Variants in RAB5C observed in about 807,000 individuals in gnomAD.
RAB5C encodes ras-related protein Rab-5C.
A neutral mutation model predicts 25.2 loss-of-function variants in RAB5C; 4 were observed. The ratio of observed to expected loss-of-function variants is 0.16; its 90% CI spans 0.08 to 0.36. The LOEUF is 0.36. Among genes scored for constraint, RAB5C ranks in the 10% least tolerant of loss-of-function variants. The pLI is 1.00. For missense variants in RAB5C, 199 were observed against 283.8 expected (o/e 0.70, Z 2.15); for synonymous variants, 100 against 106.4 (o/e 0.94, Z 0.37).
intron 1 of RAB5C, among the ~76,000 whole-genome samples, chr17:42,138,947 C>G (rs1568021954): frequency 1.3e-5 from 2 of 152,160 alleles, no homozygotes; most frequent in South Asian, 2.1e-4. Context: ...GAAGACACCC[C>G]TGAGGGACAG....
intron 1 of RAB5C, among the ~76,000 whole-genome samples, chr17:42,150,164 C>A (rs913336586): frequency 6.6e-6 from 1 of 151,878 alleles, no homozygotes; most frequent in East Asian, 1.9e-4. Context: ...GGATTATAGG[C>A]GTGATCCACC....
At chr17:42,145,217 T>C (rs1287543393) in intron 1 of RAB5C, among the ~76,000 whole-genome samples, 1 of 152,016 alleles carries the variant, frequency 6.6e-6, no homozygotes, top group Non-Finnish European at 1.5e-5. Flanking sequence ...CTCATGTAGC[T>C]ACTCCGCCCT....
intron 1 of RAB5C, among the ~76,000 whole-genome samples, chr17:42,137,010 A>G (rs1240582980): frequency 6.6e-6 from 1 of 152,262 alleles, no homozygotes; most frequent in East Asian, 1.9e-4. Context: ...ATCAAACTGA[A>G]AAAAGCACAT....
chr17:42,143,958 G>GT (rs2079617242), intron 1 of RAB5C, among the ~76,000 whole-genome samples: 1 of 151,756 alleles, frequency 6.6e-6, no homozygotes, highest in African/African-American at 2.4e-5. Flanking sequence ...GCTAACTTTT[G>GT]TATTTTTAGT....
chr17:42,134,904 G>A (rs1334220284), intron 1 of RAB5C, among the ~76,000 whole-genome samples: 1 of 152,074 alleles, frequency 6.6e-6, no homozygotes, highest in African/African-American at 2.4e-5. Flanking sequence ...ATGGGACACT[G>A]TTCTTCCCTG....
At chr17:42,132,712 T>G (rs2054498654) in intron 1 of RAB5C, among the ~76,000 whole-genome samples, 1 of 151,972 alleles carries the variant, frequency 6.6e-6, no homozygotes, top group Non-Finnish European at 1.5e-5. Context: ...TTCTTTTTTT[T>G]TTGCAGAGAT....
chr17:42,148,403 CAAAAAAAAAAAAAAA>C (rs71228786), intron 1 of RAB5C, among the ~76,000 whole-genome samples: 1 of 57,396 alleles, frequency 1.7e-5, no homozygotes, highest in African/African-American at 6.6e-5. Context: ...GACTCCATCT[CAAAAAAAAAAAAAAA>C]AAAAAAAAGA....
intron 4 of RAB5C, 23 bp from the exon 5 acceptor site, chr17:42,126,871 GA>G: frequency 6.5e-7 from 1 of 1,544,014 alleles, no homozygotes; most frequent in African/African-American, 1.4e-5. Flanking sequence ...GAGGTGAGAG[GA>G]GGTGAGAGGG....
intron 1 of RAB5C, among the ~76,000 whole-genome samples, chr17:42,132,372 T>G (rs2054494696): frequency 6.6e-6 from 1 of 152,172 alleles, no homozygotes; most frequent in Non-Finnish European, 1.5e-5. Flanking sequence ...AGAAATACCA[T>G]GTAAATATTT....
At chr17:42,138,709 G>A (rs1323639779) in intron 1 of RAB5C, among the ~76,000 whole-genome samples, 3 of 152,162 alleles carry the variant, frequency 2.0e-5, no homozygotes, top group Non-Finnish European at 4.4e-5. Context: ...AGCCCCAAGT[G>A]CAGACACCAA....
chr17:42,128,099 C>T (rs776986187), intron 4 of RAB5C, among the ~76,000 whole-genome samples, 162 bp downstream of exon 4: 3 of 152,196 alleles, frequency 2.0e-5, no homozygotes, highest in Non-Finnish European at 4.4e-5. Context: ...GGATTACAGA[C>T]AGGAGCCATG....
At chr17:42,140,139 G>GA (rs1311087707) in intron 1 of RAB5C, among the ~76,000 whole-genome samples, 2 of 152,180 alleles carry the variant, frequency 1.3e-5, no homozygotes, top group African/African-American at 4.8e-5. Flanking sequence ...AACCTCTGCT[G>GA]AAAGTCAGGA....
chr17:42,146,995 G>A (rs186636105), intron 1 of RAB5C, among the ~76,000 whole-genome samples: 108 of 145,372 alleles, frequency 7.4e-4, no homozygotes, highest in Non-Finnish European at 1.2e-3. Flanking sequence ...GCAAGACTTC[G>A]TCAAGAAAGA....
At chr17:42,151,181 A>G (rs947069551) in intron 1 of RAB5C, among the ~76,000 whole-genome samples, 2 of 152,190 alleles carry the variant, frequency 1.3e-5, no homozygotes, top group Admixed American at 1.3e-4. Flanking sequence ...TCACGCCTGT[A>G]ATCCCAGCAC....
intron 1 of RAB5C, among the ~76,000 whole-genome samples, chr17:42,153,805 A>G (rs1485238108): frequency 6.6e-6 from 1 of 152,204 alleles, no homozygotes; most frequent in Non-Finnish European, 1.5e-5. Flanking sequence ...GGTTGAGGGA[A>G]CCTGCACTTT....
Position 42,126,580 on chromosome 17 carries a change from C to T in RAB5C, c.535+175G>A, listed in dbSNP as rs776933369. 8.6e-6 allele frequency: 3 copies of T among 350,366 alleles called. No individual in the cohort carries two copies. The South Asian group carries it at 1.3e-4, about 16-fold the overall frequency. 21.7% of individuals were successfully genotyped at this position (350,366 alleles called of 1,614,324 possible). ...CTGGGGGGCGGAGCTTGCAGTGAGT[C>T]GAGATCGTGCCACTGAACTCCAGCC... is the stretch of plus-strand genomic sequence containing the variant. On this transcript the variant is annotated intron_variant, in intron 5 of 5. Transcript: ENST00000346213.
chr17:42,125,860 C>A lies in RAB5C; in HGVS notation c.574G>T (p.Gly192Cys), dbSNP rs1555668655. 1.2e-6 allele frequency: 2 copies of A among 1,612,010 alleles called. No homozygotes were observed. The highest frequency in any genetic ancestry group is 1.7e-6 in the Non-Finnish European group (2 of 1,179,254). The stretch of plus-strand genomic sequence containing the variant: ...ACACCTCGGTTTCGGCCTGGAGCAC[C>A]AGTTGCATTCTGGGGCTCGTTCTTG... The part of the protein sequence containing the change: ...LPKNEPQNAT[G>C]APGRNRGVDL... Residue 192 changes from glycine (G) to cysteine (C), a missense_variant, in exon 6 of 6, where the codon GGT becomes TGT. Physicochemically the swap from Gly to Cys is radical, Grantham distance 159. Transcript: ENST00000346213.
chr17:42,137,314 G>GAAAAAAAAAAA (rs1300048784), intron 1 of RAB5C, among the ~76,000 whole-genome samples: 3 of 98,606 alleles, frequency 3.0e-5, no homozygotes, highest in African/African-American at 3.6e-5. Context: ...TCAAAAAAAA[G>GAAAAAAAAAAA]AAAAAAAAAA....
intron 1 of RAB5C, among the ~76,000 whole-genome samples, chr17:42,131,360 A>G (rs1264654679): frequency 6.6e-6 from 1 of 152,042 alleles, no homozygotes; most frequent in African/African-American, 2.4e-5. Flanking sequence ...AGAAACAAAC[A>G]CATAGTAAAA....
Sources: gnomAD v4.1 joint callset for allele counts (sites outside exome capture counted in the v4.1 genomes callset) on GRCh38, gnomAD v4.1.1 for gene constraint, MANE v1.5 for transcripts, NCBI Gene and HGNC (gene_info 2026-07-23, HGNC 2026-07-21) for gene names.